ZMYND8: variants seen among roughly 807,000 people sequenced by gnomAD.
ZMYND8 encodes zinc finger MYND-type containing 8.
In ZMYND8, 37 loss-of-function variants were observed where a neutral mutation model predicts 140.8. The ratio of observed to expected loss-of-function variants is 0.26; its 90% CI spans 0.20 to 0.35. The LOEUF is 0.35. Ranked by LOEUF, ZMYND8 falls within the 10% of genes least tolerant of loss-of-function variation. The pLI is 1.00. For missense variants in ZMYND8, 1,068 were observed against 1,570.0 expected (o/e 0.68, Z 5.40); for synonymous variants, 592 against 597.1 (o/e 0.99, Z 0.12).
chr20:47,280,203 T>C (rs2076522641), intron 10 of ZMYND8, among the ~76,000 whole-genome samples: 1 of 151,358 alleles, frequency 6.6e-6, no homozygotes, highest in African/African-American at 2.4e-5. Context: ...ACCTCCAAAG[T>C]TGTTTCTCTA....
intron 11 of ZMYND8, among the ~76,000 whole-genome samples, chr20:47,274,967 A>G (rs1180649836): frequency 6.6e-6 from 1 of 152,194 alleles, no homozygotes; most frequent in Non-Finnish European, 1.5e-5. Flanking sequence ...TGCTCCTTAA[A>G]GAATTCCTGT....
chr20:47,255,560 CAGTGTGTGTGTG>C (rs1569006182), intron 12 of ZMYND8, among the ~76,000 whole-genome samples: 1 of 64,274 alleles, frequency 1.6e-5, no homozygotes, highest in East Asian at 3.7e-4. Flanking sequence ...TACATATACT[CAGTGTGTGTGTG>C]TGTGTGTGTG....
chr20:47,340,718 T>C (rs1352476826), intron 2 of ZMYND8, among the ~76,000 whole-genome samples: 5 of 150,852 alleles, frequency 3.3e-5, no homozygotes, highest in East Asian at 3.9e-4. Context: ...ACCCGGGAAA[T>C]GAAGGTTGCA....
Position 47,294,606 on chromosome 20 carries a change from G to A in ZMYND8, c.567+60C>T, listed in dbSNP as rs2077524615. The A allele has an allele frequency of 3.9e-6, 6 of 1,527,740 alleles. No individual in the cohort carries two copies. In the South Asian group the frequency reaches 5.6e-5, roughly 14 times the overall value. The allele number at this position is 1,527,740 out of a possible 1,614,324, so 94.6% of individuals were successfully genotyped here. On this transcript the variant is annotated intron_variant, in intron 5 of 22. Transcript: ENST00000471951. ...TACCTAAAAAGCTAAGCTATTAACA[G>A]AACAAAACATATGTCATTACGTTCA...
chr20:47,354,034 C>G (rs897939174), intron 1 of ZMYND8: 1 of 152,134 alleles, frequency 6.6e-6, no homozygotes, highest in African/African-American at 2.4e-5. Context: ...CCAGTACTGC[C>G]GTCCCTACCT....
At chr20:47,259,847 A>T (rs1341549355) in intron 12 of ZMYND8, among the ~76,000 whole-genome samples, 11 of 151,416 alleles carry the variant, frequency 7.3e-5, no homozygotes, top group African/African-American at 2.4e-4. Context: ...TGTCCCCATC[A>T]CCCCCTCAAA....
At chr20:47,279,537 G>A (rs150732310) in intron 10 of ZMYND8, among the ~76,000 whole-genome samples, 78 of 151,928 alleles carry the variant, frequency 5.1e-4, no homozygotes, top group African/African-American at 1.4e-3. Context: ...TATTTCAAGC[G>A]AAATTAGATT....
intron 5 of ZMYND8, among the ~76,000 whole-genome samples, chr20:47,292,102 T>A (rs543502613): frequency 6.6e-6 from 1 of 152,328 alleles, no homozygotes; most frequent in Admixed American, 6.5e-5. Context: ...TGATCCAATT[T>A]TATTCTTGGT....
At chr20:47,269,844 T>C (rs2075800750) in intron 11 of ZMYND8, among the ~76,000 whole-genome samples, 1 of 152,230 alleles carries the variant, frequency 6.6e-6, no homozygotes, top group Non-Finnish European at 1.5e-5. Flanking sequence ...TATGGTGCCA[T>C]GCACAGATGA....
intron 12 of ZMYND8, among the ~76,000 whole-genome samples, chr20:47,251,138 A>G (rs181687687): frequency 2.8e-4 from 43 of 152,262 alleles, no homozygotes; most frequent in Non-Finnish European, 5.7e-4. Flanking sequence ...AAGCAAGCAG[A>G]GACACTATCC....
chr20:47,238,743 G>T lies in ZMYND8; in HGVS notation c.2665+15C>A, dbSNP rs747451021. ...GGAGCGGGCGCCACGGAGAACAGAA[G>T]GGGAGGCTCGGTACCTTTCACAGCC... On this transcript the variant is annotated intron_variant, in intron 15 of 22. Transcript: ENST00000471951. The T allele has an allele frequency of 1.2e-6, 2 of 1,603,788 alleles. No individual in the cohort carries two copies. The highest frequency in any genetic ancestry group is 1.7e-5 in the Admixed American group (1 of 57,916).
chr20:47,245,343 T>C (rs2040438603), intron 14 of ZMYND8, among the ~76,000 whole-genome samples: 1 of 151,890 alleles, frequency 6.6e-6, no homozygotes, highest in African/African-American at 2.4e-5. Context: ...GCCTCCTGGG[T>C]TCAAGCGATT....
At chr20:47,327,284 C>A (rs1374003809) in intron 2 of ZMYND8, among the ~76,000 whole-genome samples, 1 of 151,528 alleles carries the variant, frequency 6.6e-6, no homozygotes, top group Non-Finnish European at 1.5e-5. Context: ...GGATTACAGA[C>A]GTGAGCCACC....
chr20:47,214,006 G>A (rs115278044), intron 21 of ZMYND8, among the ~76,000 whole-genome samples: 186 of 152,238 alleles, frequency 1.2e-3, no homozygotes, highest in African/African-American at 4.1e-3. Flanking sequence ...ATGAACAGGA[G>A]AGGCCCACAC....
intron 11 of ZMYND8, 32 bp from the exon 12 acceptor site, chr20:47,262,460 T>C: frequency 6.2e-7 from 1 of 1,613,002 alleles, no homozygotes; most frequent in South Asian, 1.1e-5. Context: ...AAAAGACAGG[T>C]TTACAAATAA....
intron 10 of ZMYND8, among the ~76,000 whole-genome samples, chr20:47,278,723 G>A (rs1035706318): frequency 6.6e-6 from 1 of 152,192 alleles, no homozygotes; most frequent in African/African-American, 2.4e-5. Context: ...TCTGACTGCT[G>A]TCTTTCTCCT....
intron 16 of ZMYND8, among the ~76,000 whole-genome samples, chr20:47,232,321 C>T (rs956290018): frequency 2.6e-5 from 4 of 152,034 alleles, no homozygotes; most frequent in Admixed American, 2.6e-4. Context: ...TTGCAGGGAG[C>T]TGAGATTACA....
At chr20:47,213,346 C>T (rs527248775) in intron 21 of ZMYND8, among the ~76,000 whole-genome samples, 2 of 152,208 alleles carry the variant, frequency 1.3e-5, no homozygotes, top group East Asian at 3.9e-4. Flanking sequence ...TGAGAAGCTT[C>T]ATAGGAAAAC....
In ZMYND8 at chr20:47,210,672, G is replaced by A; in HGVS notation, c.*89C>T. The stretch of plus-strand genomic sequence containing the variant: ...TTTTGTCATTTTCAAGTCTGAAAGT[G>A]GCTGTTCTCCTGCCTTTGTTGTTTC... On this transcript the variant is annotated 3_prime_UTR_variant, in exon 23 of 23. Transcript: ENST00000471951. The A allele has an allele frequency of 1.9e-6, 3 of 1,607,006 alleles. No individual in the cohort carries two copies. The highest frequency in any genetic ancestry group is 1.3e-5 in the African/African-American group (1 of 74,746).
Sources: allele counts gnomAD v4.1 joint callset (sites outside exome capture counted in the v4.1 genomes callset), GRCh38; gene constraint gnomAD v4.1.1; transcripts MANE v1.5; gene names NCBI Gene and HGNC (gene_info 2026-07-23, HGNC 2026-07-21).